The following SIN3B variants were observed in gnomAD, a reference collection of about 807,000 sequenced individuals.
SIN3B encodes SIN3 transcription regulator family member B, also known as paired amphipathic helix protein Sin3b.
In SIN3B, 19 loss-of-function variants were observed where a neutral mutation model predicts 120.2. The observed-to-expected ratio is 0.16, with a 90% confidence interval of 0.11 to 0.23. The LOEUF (loss-of-function observed/expected upper bound fraction) is 0.23. Ranked by LOEUF, SIN3B falls within the 10% of genes least tolerant of loss-of-function variation. The probability of loss-of-function intolerance (pLI) is 1.00; values close to 1 mark genes in which losing one functional copy is unlikely to be tolerated. For missense variants in SIN3B, 1,073 were observed against 1,573.0 expected (o/e 0.68, Z 5.38); for synonymous variants, 654 against 653.2 (o/e 1.00, Z -0.02).
chr19:16,862,238 T>C lies in SIN3B; in HGVS notation c.1059-114T>C. ...CGCCTCTCATTCGCATCCATGATGTTGAATTCTGACTCTGTTTAACTTGTA... is the reference window on the plus strand; with the variant it reads ...CGCCTCTCATTCGCATCCATGATGTCGAATTCTGACTCTGTTTAACTTGTA... On this transcript the variant is annotated intron_variant, in intron 8 of 18. Coordinates refer to ENST00000248054, the MANE Select transcript of SIN3B (RefSeq NM_001297595.2). The surrounding 1 kb of genome is among the most constrained non-coding windows in gnomAD (Gnocchi z 4.7). The C allele has an allele frequency of 1.2e-6, 1 of 808,750 alleles. No homozygotes were observed. The highest frequency in any genetic ancestry group is 2.0e-6 in the Non-Finnish European group (1 of 502,256). 50.1% of individuals were successfully genotyped at this position (808,750 alleles called of 1,614,324 possible).
At position 16,854,204 on chromosome 19, in the gene SIN3B, T is replaced by A. The variant is rs754895779; in HGVS notation, c.1001T>A (p.Phe334Tyr). The change falls in exon 8 of 19, where the codon TTC (phenylalanine) becomes TAC (tyrosine). Residue 334 changes from phenylalanine (F) to tyrosine (Y), a missense_variant. This residue lies in a region of SIN3B where 395 missense variants were observed against 528.0 expected (regional missense o/e 0.75). Coordinates refer to ENST00000248054, the MANE Select transcript of SIN3B (RefSeq NM_001297595.2). ...AACTTCCTCCGCTGCATCGCACTCT[T>A]CAACCAGGAGCTGGTGTCTGGCTCT... is the stretch of plus-strand genomic sequence containing the variant. Reference protein sequence around the residue: ...YENFLRCIALFNQELVSGSEL... With the variant: ...YENFLRCIALYNQELVSGSEL... 1.1e-5 allele frequency: 18 copies of A among 1,613,148 alleles called. No individual in the cohort carries two copies. Among genetic ancestry groups the A allele is most frequent in the Non-Finnish European group, 1.4e-5 (17 of 1,179,988 alleles).
At chr19:16,835,826 CA>C (rs1971340978) in intron 3 of SIN3B, among the ~76,000 whole-genome samples, 1 of 152,030 alleles carries the variant, frequency 6.6e-6, no homozygotes, top group Non-Finnish European at 1.5e-5. Flanking sequence ...GCCTTTTTTA[CA>C]TTTTTAAAAC....
chr19:16,842,542 G>C (rs1362667572), intron 4 of SIN3B, among the ~76,000 whole-genome samples: 1 of 152,032 alleles, frequency 6.6e-6, no homozygotes, highest in Admixed American at 6.6e-5. Flanking sequence ...AAGTAGCTGG[G>C]AGTACAGGTG....
intron 12 of SIN3B, among the ~76,000 whole-genome samples, chr19:16,868,419 C>T (rs1434098091): frequency 1.3e-5 from 2 of 152,184 alleles, no homozygotes; most frequent in African/African-American, 2.4e-5. Context: ...CGTCTGCCTC[C>T]CTGCCTTGGA....
In SIN3B at chr19:16,857,553, G is replaced by GTA. The variant is rs1555742155; in HGVS notation, c.1058+3299_1058+3300dup. ...TGTGTGTGTGTGTGTGTGTGTGTGT[G>GTA]TATATATACACATAAACATTTTTCT... On this transcript the variant is annotated intron_variant, in intron 8 of 18. Transcript: ENST00000248054. Among the ~76,000 whole-genome samples the GTA allele has an allele frequency of 2.2e-3, 306 of 139,544 alleles. 4 individuals carry two copies. The highest frequency in any genetic ancestry group is 9.0e-3 in the East Asian group (44 of 4,862). The allele number at this position is 139,544 out of a possible 152,430, so 91.5% of individuals were successfully genotyped here. A position where few individuals can be genotyped will look rare whatever the true frequency, so the allele number is the denominator to read the frequency against.
At position 16,876,419 on chromosome 19, in the gene SIN3B, T is replaced by G. The variant is rs2051607759; in HGVS notation, c.2767-67T>G. On this transcript the variant is annotated intron_variant, in intron 15 of 18. Transcript: ENST00000248054. This position sits in a 1 kb window ranked among gnomAD's most constrained non-coding sequence, Gnocchi z 7.1. Reference sequence around the variant, plus strand: ...GGCAAAGGCGGGAGGCGGGTGGCCTTGCGAGCCTGCGCTGTGCCGGCTGGG... The same window carrying G: ...GGCAAAGGCGGGAGGCGGGTGGCCTGGCGAGCCTGCGCTGTGCCGGCTGGG... The G allele has an allele frequency of 6.5e-7, 1 of 1,535,532 alleles. No homozygotes were observed. The highest frequency in any genetic ancestry group is 8.9e-7 in the Non-Finnish European group (1 of 1,119,142).
chr19:16,862,547 C>T lies in SIN3B; in HGVS notation c.1254C>T (p.Ala418=). The change falls in exon 9 of 19, where the codon GCC becomes GCT. Residue 418 remains alanine (A), a synonymous_variant. Transcript: ENST00000248054. The surrounding 1 kb of genome is among the most constrained non-coding windows in gnomAD (Gnocchi z 4.7). ...AGCCCAAGTGCAGTGGGAGGACAGC[C>T]ATCTGCAAGGAGGTAGCGCTCCCTG... ...YQQPKCSGRT[A]ICKEVLNDTW... 1.9e-6 allele frequency: 3 copies of T among 1,613,450 alleles called. No homozygotes were observed. Among genetic ancestry groups the T allele is most frequent in the Non-Finnish European group, 2.5e-6 (3 of 1,179,954 alleles).
chr19:16,875,512 GGTCT>G (rs1471677299), intron 14 of SIN3B, among the ~76,000 whole-genome samples: 1 of 144,308 alleles, frequency 6.9e-6, no homozygotes. Flanking sequence ...GGTCTGGTCT[GGTCT>G]GTTTGGTCTG....
chr19:16,864,718 C>T (rs989144682), intron 10 of SIN3B, among the ~76,000 whole-genome samples: 2 of 151,266 alleles, frequency 1.3e-5, no homozygotes, highest in African/African-American at 2.4e-5. Context: ...TGGCTGGGCA[C>T]GATGGCTCAC....
chr19:16,865,155 A>T, intron 10 of SIN3B: 2 of 399,520 alleles, frequency 5.0e-6, no homozygotes, highest in Non-Finnish European at 4.5e-6. Context: ...TTAGCCAGGC[A>T]TGGTGGTGCA....
At position 16,874,822 on chromosome 19, in the gene SIN3B, T is replaced by G. The variant is rs2051566678; in HGVS notation, c.2593-1233T>G. On this transcript the variant is annotated intron_variant, in intron 14 of 18. Coordinates refer to ENST00000248054, the MANE Select transcript of SIN3B (RefSeq NM_001297595.2). The stretch of plus-strand genomic sequence containing the variant: ...TTGGTCTGATCTGATCTGGTCTGGT[T>G]TTGGTCTGGTCTGATTTGATTTGGT... Among the ~76,000 whole-genome samples, 5 of 151,856 alleles carry G rather than the reference T, an allele frequency of 3.3e-5. No homozygotes were observed. In the South Asian group the frequency reaches 8.3e-4, roughly 25 times the overall value.
In SIN3B at chr19:16,869,680, C is replaced by T; in HGVS notation, c.2027C>T (p.Ala676Val). 1 of 1,613,570 alleles carries T rather than the reference C, an allele frequency of 6.2e-7. No homozygotes were observed. Among genetic ancestry groups the T allele is most frequent in the Non-Finnish European group, 8.5e-7 (1 of 1,180,012 alleles). ...TTCTCTCAGCAGCTGGACCTGGGCG[C>T]CTCCGAGGAGTCAGCTGATGAGGAC... The part of the protein sequence containing the change: ...LFFSQQLDLG[A>V]SEESADEDRD... The change falls in exon 13 of 19, where the codon GCC becomes GTC. Residue 676 changes from alanine to valine, a missense_variant. Coordinates refer to ENST00000248054, the MANE Select transcript of SIN3B (RefSeq NM_001297595.2).
At chr19:16,831,282 CG>C (rs1182852635) in intron 2 of SIN3B, among the ~76,000 whole-genome samples, 2 of 152,126 alleles carry the variant, frequency 1.3e-5, no homozygotes, top group African/African-American at 4.8e-5. Flanking sequence ...AGTCTGGTCT[CG>C]AACTCTTGAC....
chr19:16,855,692 G>C (rs563140860), intron 8 of SIN3B: 1 of 152,470 alleles, frequency 6.6e-6, no homozygotes, highest in East Asian at 1.9e-4. Context: ...TTGTACTCCA[G>C]CCTGGGTGGC....
rs10417935 is a variant in SIN3B at position 16,873,009 on chromosome 19, T to C, written c.2592+1611T>C. Among the ~76,000 whole-genome samples, 461 of 152,224 alleles carry C rather than the reference T, an allele frequency of 3.0e-3. 1 individual carries two copies. The highest frequency in any genetic ancestry group is 0.011 in the African/African-American group (451 of 41,550). On this transcript the variant is annotated intron_variant, in intron 14 of 18. Coordinates refer to ENST00000248054, the MANE Select transcript of SIN3B (RefSeq NM_001297595.2). Reference sequence around the variant, plus strand: ...CCTTGGGGTAAGGCACAGAGAGGTGTGTCCCGCTGATGGCAACTTTCCGTT... The same window carrying C: ...CCTTGGGGTAAGGCACAGAGAGGTGCGTCCCGCTGATGGCAACTTTCCGTT...
chr19:16,833,631 CA>C lies in SIN3B; in HGVS notation c.381+1998del, dbSNP rs762032276. Among the ~76,000 whole-genome samples the C allele has an allele frequency of 7.3e-3, 957 of 130,620 alleles. 2 individuals carry two copies. Among genetic ancestry groups the C allele is most frequent in the Non-Finnish European group, 8.0e-3 (484 of 60,604 alleles). 85.7% of individuals were successfully genotyped at this position (130,620 alleles called of 152,430 possible). A position where few individuals can be genotyped will look rare whatever the true frequency, so the allele number is the denominator to read the frequency against. ...TGGGTGACAGAGCAAGACTCCGTCT[CA>C]AAAAAAAAAAAAATTCTGCTGCTTC... is the stretch of plus-strand genomic sequence containing the variant. On this transcript the variant is annotated intron_variant, in intron 3 of 18. Coordinates refer to ENST00000248054, the MANE Select transcript of SIN3B (RefSeq NM_001297595.2).
chr19:16,863,002 GC>G, intron 9 of SIN3B: 2 of 1,542,848 alleles, frequency 1.3e-6, no homozygotes, highest in Non-Finnish European at 9.0e-7. Flanking sequence ...TGGCCCACGG[GC>G]CCTGGCCCGC....
intron 14 of SIN3B, among the ~76,000 whole-genome samples, chr19:16,874,386 G>T (rs145529458): frequency 6.6e-6 from 1 of 151,470 alleles, no homozygotes; most frequent in Non-Finnish European, 1.5e-5. Flanking sequence ...GTTTGGTCTG[G>T]TTTGGTCTGG....
At position 16,880,286 on chromosome 19, in the gene SIN3B, C is replaced by T. The variant is rs2051678144; in HGVS notation, c.*1559C>T. The stretch of plus-strand genomic sequence containing the variant: ...TCTGGGGCTTGTCCTTCCTTTGCAG[C>T]TGTTTTGAATGTAGTTTTCCTTTTC... On this transcript the variant is annotated 3_prime_UTR_variant, in exon 19 of 19. Transcript: ENST00000248054. The T allele has an allele frequency of 6.6e-6, 1 of 152,242 alleles. No homozygotes were observed. The highest frequency in any genetic ancestry group is 1.5e-5 in the Non-Finnish European group (1 of 68,068). The allele number at this position is 152,242 out of a possible 1,614,324, so 9.4% of individuals were successfully genotyped here.
Sources: gnomAD v4.1 joint callset for allele counts (sites outside exome capture counted in the v4.1 genomes callset) on GRCh38, gnomAD v4.1.1 for gene constraint, gnomAD v4.1.1 regional missense constraint, Gnocchi (gnomAD v3.1) non-coding constraint, MANE v1.5 for transcripts, NCBI Gene and HGNC (gene_info 2026-07-23, HGNC 2026-07-21) for gene names.